CTNND2: variants seen among roughly 807,000 people sequenced by gnomAD.
CTNND2 encodes catenin delta-2.
CTNND2 carries 22 observed loss-of-function variants against 144.4 expected under a neutral mutation model. The observed-to-expected ratio is 0.15, with a 90% CI of 0.11 to 0.22. CTNND2 has a LOEUF of 0.22. Ranked by LOEUF, CTNND2 falls within the 10% of genes least tolerant of loss-of-function variation. The pLI is 1.00. For missense variants in CTNND2, 1,353 were observed against 1,618.8 expected (o/e 0.84, Z 2.82); for synonymous variants, 751 against 695.6 (o/e 1.08, Z -1.25).
chr5:11,861,119 T>C (rs1177065091), intron 1 of CTNND2, among the ~76,000 whole-genome samples: 1 of 152,182 alleles, frequency 6.6e-6, no homozygotes, highest in Non-Finnish European at 1.5e-5. Context: ...AGTCCATTTT[T>C]TACGTCTGTA....
chr5:11,627,660 G>T (rs1343650871), intron 2 of CTNND2, among the ~76,000 whole-genome samples: 1 of 151,884 alleles, frequency 6.6e-6, no homozygotes, highest in Non-Finnish European at 1.5e-5. Context: ...CAGCACCAGG[G>T]ACCAGTTTCA....
chr5:11,597,750 T>C (rs1298724979), intron 2 of CTNND2, among the ~76,000 whole-genome samples: 3 of 152,120 alleles, frequency 2.0e-5, no homozygotes, highest in Non-Finnish European at 4.4e-5. Context: ...ATTTTTGTAT[T>C]ATTTGTAGAA....
intron 1 of CTNND2, among the ~76,000 whole-genome samples, chr5:11,776,335 C>G (rs527917813): frequency 6.6e-6 from 1 of 152,164 alleles, no homozygotes; most frequent in African/African-American, 2.4e-5. Context: ...GTTAAAATAG[C>G]CAACCTCTGT....
At position 11,397,135 on chromosome 5, in the gene CTNND2, C is replaced by T. The variant is rs757232370; in HGVS notation, c.508G>A (p.Ala170Thr). Residue 170 changes from alanine to threonine, a missense_variant, in exon 6 of 22, where the codon GCC becomes ACC. Physicochemically the swap from Ala to Thr is moderately conservative, Grantham distance 58 (BLOSUM62 0). This residue lies in a region of CTNND2 where 708 missense variants were observed against 706.4 expected (regional missense o/e 1.00). Transcript: ENST00000304623. ...SKPEGSFQYPASYHSNQTLAL... is the reference protein window; with the variant it reads ...SKPEGSFQYPTSYHSNQTLAL... ...AGGGTCTGGTTGCTATGGTAGCTGG[C>T]CGGATACTGGAAAGACCCTTCAGGT... 2.5e-6 allele frequency: 4 copies of T among 1,614,166 alleles called. 1 individual carries two copies. In the South Asian group the frequency reaches 4.4e-5, roughly 18 times the overall value.
At chr5:11,467,261 T>C (rs960040122) in intron 3 of CTNND2, among the ~76,000 whole-genome samples, 7 of 152,202 alleles carry the variant, frequency 4.6e-5, no homozygotes, top group Non-Finnish European at 1.0e-4. Flanking sequence ...CCAGGCGTGA[T>C]GGGCAAGCTC....
At chr5:11,643,505 G>A (rs558914571) in intron 2 of CTNND2, among the ~76,000 whole-genome samples, 11 of 150,422 alleles carry the variant, frequency 7.3e-5, no homozygotes, top group East Asian at 2.0e-4. Flanking sequence ...TTGTCCTTGC[G>A]ATAGTTTGCT....
intron 4 of CTNND2, 87 bp from the exon 5 acceptor site, chr5:11,411,739 C>A: frequency 1.1e-6 from 1 of 884,316 alleles, no homozygotes; most frequent in African/African-American, 1.7e-5. Flanking sequence ...TGGAAAATAT[C>A]CTAGTCAAAT....
intron 20 of CTNND2, among the ~76,000 whole-genome samples, chr5:10,983,475 C>G (rs562249381): frequency 1.3e-5 from 2 of 152,268 alleles, no homozygotes; most frequent in South Asian, 4.1e-4. Context: ...GTTCACTCCA[C>G]CCATGATTTT....
chr5:11,623,808 GTATATATA>G lies in CTNND2; in HGVS notation c.175-58760_175-58753del, dbSNP rs58954001. On this transcript the variant is annotated intron_variant, in intron 2 of 21. Transcript: ENST00000304623. ...ATCGTAAATATATATATGTGTGTAT[GTATATATA>G]TATATATATATATATATATATATAT... is the stretch of plus-strand genomic sequence containing the variant. Among the ~76,000 whole-genome samples, 298 of 40,716 alleles carry G rather than the reference GTATATATA, an allele frequency of 7.3e-3. 4 individuals are homozygous for G. Among genetic ancestry groups the G allele is most frequent in the Middle Eastern group, 0.036 (2 of 56 alleles). 26.7% of individuals were successfully genotyped at this position (40,716 alleles called of 152,430 possible).
chr5:11,217,594 G>A (rs1323962386), intron 10 of CTNND2, among the ~76,000 whole-genome samples: 1 of 152,116 alleles, frequency 6.6e-6, no homozygotes, highest in African/African-American at 2.4e-5. Flanking sequence ...AATTTATTAA[G>A]GAAATCCTTA....
rs1777268541 is a variant in CTNND2 at position 11,568,133 on chromosome 5, C to T, written c.175-3077G>A. On this transcript the variant is annotated intron_variant, in intron 2 of 21. Transcript: ENST00000304623. ...GCTGGTGGGTGCTGGCAAACATTCC[C>T]ACCTCTGTGTGAGTACCAGGCACAG... is the stretch of plus-strand genomic sequence containing the variant. 2.0e-5 allele frequency among the ~76,000 whole-genome samples: 3 copies of T among 151,052 alleles called. No homozygotes were observed. The South Asian group carries it at 6.2e-4, about 31-fold the overall frequency.
chr5:11,116,187 TAA>T (rs1753525229), intron 13 of CTNND2, among the ~76,000 whole-genome samples: 1 of 152,196 alleles, frequency 6.6e-6, no homozygotes. Flanking sequence ...GCAATTCTAA[TAA>T]AGAGTCAGAA....
At chr5:11,714,918 AAAAAAAAG>A (rs1376875801) in intron 2 of CTNND2, among the ~76,000 whole-genome samples, 2 of 152,058 alleles carry the variant, frequency 1.3e-5, no homozygotes, top group African/African-American at 4.8e-5. Context: ...GTCTCAAAAA[AAAAAAAAG>A]AAAGAAAGAA....
intron 10 of CTNND2, among the ~76,000 whole-genome samples, chr5:11,214,731 T>A (rs534612845): frequency 6.9e-4 from 105 of 152,288 alleles, no homozygotes; most frequent in African/African-American, 1.5e-3. Context: ...TGTTTCTTAC[T>A]CACTTCGGCT....
At chr5:11,891,836 G>T (rs907729538) in intron 1 of CTNND2, among the ~76,000 whole-genome samples, 1 of 152,218 alleles carries the variant, frequency 6.6e-6, no homozygotes, top group African/African-American at 2.4e-5. Context: ...CCAAAGCCAG[G>T]ATGCACTATC....
chr5:11,754,854 TA>T (rs898430692), intron 1 of CTNND2, among the ~76,000 whole-genome samples: 3 of 151,536 alleles, frequency 2.0e-5, no homozygotes, highest in Non-Finnish European at 4.4e-5. Context: ...CCATGTGGGG[TA>T]AGTATCTTAA....
At chr5:11,546,288 G>GC (rs1016803505) in intron 3 of CTNND2, among the ~76,000 whole-genome samples, 15 of 40,188 alleles carry the variant, frequency 3.7e-4, no homozygotes, top group Admixed American at 1.7e-3. Flanking sequence ...TCTCAATAAA[G>GC]CCTTTTTTTT....
At chr5:11,501,798 G>A (rs2150009992) in intron 3 of CTNND2, among the ~76,000 whole-genome samples, 1 of 151,762 alleles carries the variant, frequency 6.6e-6, no homozygotes, top group East Asian at 2.0e-4. Context: ...CACAAGGTCG[G>A]GAGATTGAGA....
chr5:11,008,158 G>A (rs867822514), intron 18 of CTNND2, among the ~76,000 whole-genome samples: 9 of 152,304 alleles, frequency 5.9e-5, no homozygotes, highest in Admixed American at 3.9e-4. Context: ...GCTTTTATGT[G>A]AGAGGGAGTG....
Sources: gnomAD v4.1 joint callset for allele counts (sites outside exome capture counted in the v4.1 genomes callset) on GRCh38, gnomAD v4.1.1 for gene constraint, gnomAD v4.1.1 regional missense constraint, MANE v1.5 for transcripts, NCBI Gene and HGNC (gene_info 2026-07-23, HGNC 2026-07-21) for gene names.